Variants in JHY observed in about 807,000 individuals in gnomAD.
JHY encodes the protein jhy protein homolog.
In JHY, 69 loss-of-function variants were observed where a neutral mutation model predicts 78.0. The observed-to-expected ratio is 0.88, with a 90% confidence interval of 0.73 to 1.08. The LOEUF is 1.08. JHY is among the 50% of genes least tolerant of loss of function. JHY has a pLI of 0.00. For synonymous variants in JHY, 368 were observed against 342.6 expected, an observed-to-expected ratio of 1.07 and a Z score of -0.82; for missense variants, 944 against 927.8, an observed-to-expected ratio of 1.02 and a Z score of -0.23.
chr11:122,953,888 A>G (rs1028155021), intron 6 of JHY, among the ~76,000 whole-genome samples: 1 of 152,236 alleles, frequency 6.6e-6, no homozygotes, highest in Admixed American at 6.5e-5. Flanking sequence ...AGTATTGACC[A>G]TAAATGTTTA....
intron 3 of JHY, among the ~76,000 whole-genome samples, chr11:122,914,439 T>G (rs1285485130): frequency 5.9e-5 from 9 of 152,028 alleles, no homozygotes; most frequent in African/African-American, 1.4e-4. Context: ...GTTTTGTTTT[T>G]TTGTTTTTTT....
In JHY at chr11:122,934,650, G is replaced by C. The variant is rs368889781; in HGVS notation, c.1209G>C (p.Lys403Asn). The C allele has an allele frequency of 7.4e-6, 12 of 1,614,088 alleles. No homozygotes were observed. The highest frequency in any genetic ancestry group is 1.0e-5 in the Non-Finnish European group (12 of 1,180,028). Residue 403 changes from lysine to asparagine, a missense_variant, in exon 5 of 9, where the codon AAG becomes AAC. Lys to Asn is a moderately conservative substitution (Grantham distance 94). Transcript: ENST00000227349. ...NPPRQQQNQN[K>N]PLDTSTKPES... ...CCAGGCAGCAACAAAACCAAAATAA[G>C]CCTCTTGATACTTCAACAAAGCCTG...
intron 2 of JHY, among the ~76,000 whole-genome samples, chr11:122,894,628 A>G (rs1048090592): frequency 2.0e-5 from 3 of 152,250 alleles, no homozygotes; most frequent in Admixed American, 2.0e-4. Flanking sequence ...AGAATTTTAC[A>G]TTGCAATTAC....
intron 4 of JHY, among the ~76,000 whole-genome samples, chr11:122,932,465 C>A (rs542505280): frequency 6.6e-6 from 1 of 151,908 alleles, no homozygotes; most frequent in African/African-American, 2.4e-5. Flanking sequence ...CATCTAGTAC[C>A]CAAGAAATTT....
intron 3 of JHY, among the ~76,000 whole-genome samples, chr11:122,923,095 C>T (rs892666258): frequency 4.6e-5 from 7 of 152,164 alleles, no homozygotes; most frequent in Non-Finnish European, 7.3e-5. Flanking sequence ...ATGAGACAGT[C>T]GGTCCTCTAA....
In JHY at chr11:122,934,313, C is replaced by CAAATAAATAAAT. The variant is rs36092881; in HGVS notation, c.979-76_979-65dup. On this transcript the variant is annotated intron_variant, in intron 4 of 8. Transcript: ENST00000227349. The stretch of plus-strand genomic sequence containing the variant: ...CCTGGGAGACAGTGAGACTCCGTCT[C>CAAATAAATAAAT]AAATAAATAAATAAATAAATAAATA... 2.5e-5 allele frequency: 13 copies of CAAATAAATAAAT among 512,640 alleles called. No individual in the cohort carries two copies. The Admixed American group carries it at 3.7e-4, about 15-fold the overall frequency. 31.8% of individuals were successfully genotyped at this position (512,640 alleles called of 1,614,324 possible). A position where few individuals can be genotyped will look rare whatever the true frequency, so the allele number is the denominator to read the frequency against.
intron 4 of JHY, among the ~76,000 whole-genome samples, chr11:122,926,351 A>G (rs1298964594): frequency 6.6e-6 from 1 of 152,168 alleles, no homozygotes; most frequent in Non-Finnish European, 1.5e-5. Flanking sequence ...GAACCTATAG[A>G]GCCTGTTGAC....
Position 122,903,986 on chromosome 11 carries a change from A to C in JHY, c.406A>C (p.Lys136Gln), listed in dbSNP as rs773361408. The stretch of plus-strand genomic sequence containing the variant: ...CTATGACCCGAACTGGAAGAGTAAG[A>C]AGGAGGAAGGGCAGCTGCTGTCTGT... Reference protein sequence around the residue: ...LRYDPNWKSKKEEGQLLSVEA... With the variant: ...LRYDPNWKSKQEEGQLLSVEA... Residue 136 changes from lysine to glutamine, a missense_variant, in exon 3 of 9, where the codon AAG becomes CAG. By Grantham distance (53) the Lys-to-Gln change is moderately conservative. Coordinates refer to ENST00000227349, the MANE Select transcript of JHY (RefSeq NM_024806.4). 25 of 1,613,768 alleles carry C rather than the reference A, an allele frequency of 1.5e-5. No homozygotes were observed. In the African/African-American group the frequency reaches 3.2e-4, roughly 21 times the overall value.
At chr11:122,901,256 T>C (rs1862851930) in intron 2 of JHY, among the ~76,000 whole-genome samples, 1 of 152,206 alleles carries the variant, frequency 6.6e-6, no homozygotes, top group Admixed American at 6.5e-5. Flanking sequence ...GCACTCACCA[T>C]GAATGGAGGT....
chr11:122,905,421 G>A (rs1862967351), intron 3 of JHY: 1 of 1,421,740 alleles, frequency 7.0e-7, no homozygotes, highest in Non-Finnish European at 9.2e-7. Context: ...TATGTTAAAT[G>A]TGGTTGCCCT....
chr11:122,912,376 G>A (rs1248565613), intron 3 of JHY, among the ~76,000 whole-genome samples: 2 of 152,036 alleles, frequency 1.3e-5, no homozygotes, highest in African/African-American at 2.4e-5. Context: ...GTGGAGGTGC[G>A]AATGGATAAG....
At chr11:122,912,793 C>A (rs1462002470) in intron 3 of JHY, among the ~76,000 whole-genome samples, 1 of 152,014 alleles carries the variant, frequency 6.6e-6, no homozygotes, top group African/African-American at 2.4e-5. Flanking sequence ...CCTCACCTCA[C>A]CTTCCTCATC....
intron 2 of JHY, among the ~76,000 whole-genome samples, chr11:122,895,905 G>T (rs1390118625): frequency 6.6e-6 from 1 of 152,152 alleles, no homozygotes; most frequent in Non-Finnish European, 1.5e-5. Flanking sequence ...ATTTGTTCCT[G>T]TGAAGTATTA....
chr11:122,905,142 C>A, intron 3 of JHY: 2 of 1,508,176 alleles, frequency 1.3e-6, no homozygotes, highest in Non-Finnish European at 1.8e-6. Context: ...AAAATTGGGA[C>A]AGTAATAAAT....
intron 4 of JHY, among the ~76,000 whole-genome samples, chr11:122,929,645 C>G (rs563701587): frequency 1.3e-5 from 2 of 152,280 alleles, no homozygotes; most frequent in East Asian, 3.9e-4. Context: ...AGGGACATTA[C>G]ACATGCAACT....
intron 5 of JHY, among the ~76,000 whole-genome samples, chr11:122,939,680 A>G (rs1334730131): frequency 6.6e-6 from 1 of 152,134 alleles, no homozygotes; most frequent in Non-Finnish European, 1.5e-5. Context: ...AACTTGGGGG[A>G]AAATATCTAC....
At chr11:122,944,302 C>G (rs1298019903) in intron 5 of JHY, among the ~76,000 whole-genome samples, 4 of 152,180 alleles carry the variant, frequency 2.6e-5, no homozygotes, top group African/African-American at 9.7e-5. Flanking sequence ...CCTACTTTCT[C>G]TATACTTCTC....
intron 3 of JHY, among the ~76,000 whole-genome samples, chr11:122,910,056 G>A (rs1863079893): frequency 1.3e-5 from 2 of 151,798 alleles, no homozygotes; most frequent in African/African-American, 4.8e-5. Context: ...AATAAGTTAT[G>A]GTACATCCAT....
At chr11:122,927,913 T>C (rs980260878) in intron 4 of JHY, among the ~76,000 whole-genome samples, 2 of 151,932 alleles carry the variant, frequency 1.3e-5, no homozygotes, top group Admixed American at 1.3e-4. Context: ...GTATTTTTAG[T>C]AGAGATGGGG....
Sources: gnomAD v4.1 joint callset for allele counts (sites outside exome capture counted in the v4.1 genomes callset) on GRCh38, gnomAD v4.1.1 for gene constraint, MANE v1.5 for transcripts, NCBI Gene and HGNC (gene_info 2026-07-23, HGNC 2026-07-21) for gene names.